TANC1: variants seen among roughly 807,000 people sequenced by gnomAD.
TANC1 encodes the protein tetratricopeptide repeat, ankyrin repeat and coiled-coil containing 1, also known as protein TANC1.
Under a neutral mutation model 149.7 loss-of-function variants are expected in TANC1, and 77 were observed. The ratio of observed to expected loss-of-function variants is 0.51; its 90% CI spans 0.43 to 0.62. The LOEUF is 0.62. Ranked by LOEUF, TANC1 falls within the 20% of genes least tolerant of loss-of-function variation. The probability of loss-of-function intolerance (pLI) is 0.00; values close to 1 mark genes in which losing one functional copy is unlikely to be tolerated. For synonymous variants in TANC1, 854 were observed against 925.0 expected, an observed-to-expected ratio of 0.92 and a Z score of 1.39; for missense variants, 1,985 against 2,321.8, an observed-to-expected ratio of 0.85 and a Z score of 2.98.
intron 1 of TANC1, among the ~76,000 whole-genome samples, chr2:158,988,553 C>T (rs1392126438): frequency 2.0e-5 from 3 of 152,090 alleles, no homozygotes; most frequent in Non-Finnish European, 4.4e-5. Context: ...TTACTACTTC[C>T]TGTTGCAATG....
chr2:159,135,638 C>T (rs1197513747), intron 4 of TANC1, among the ~76,000 whole-genome samples: 1 of 152,248 alleles, frequency 6.6e-6, no homozygotes, highest in Non-Finnish European at 1.5e-5. Context: ...TGCTGTGCCC[C>T]GCACAGTTAC....
At chr2:159,047,238 C>T (rs1293072378) in intron 2 of TANC1, among the ~76,000 whole-genome samples, 1 of 151,554 alleles carries the variant, frequency 6.6e-6, no homozygotes, top group Non-Finnish European at 1.5e-5. Context: ...AAACCACTCA[C>T]CCCACGCTTG....
intron 7 of TANC1, among the ~76,000 whole-genome samples, chr2:159,157,067 G>A (rs1342312649): frequency 2.6e-5 from 4 of 152,210 alleles, no homozygotes; most frequent in South Asian, 2.1e-4. Flanking sequence ...GCCAGCATAC[G>A]GGGCTCCCAG....
intron 3 of TANC1, among the ~76,000 whole-genome samples, chr2:159,067,827 A>C (rs1016432596): frequency 1.3e-5 from 2 of 152,220 alleles, no homozygotes; most frequent in Non-Finnish European, 2.9e-5. Context: ...ACTTAGAAGA[A>C]ATAGCAATAT....
intron 9 of TANC1, among the ~76,000 whole-genome samples, chr2:159,170,172 G>A (rs965774153): frequency 2.6e-5 from 4 of 152,158 alleles, no homozygotes; most frequent in South Asian, 2.1e-4. Context: ...GAAGAAGCAC[G>A]TCTTAAATGC....
chr2:159,164,120 G>GA (rs1196052997), intron 8 of TANC1, among the ~76,000 whole-genome samples: 1 of 151,902 alleles, frequency 6.6e-6, no homozygotes, highest in Non-Finnish European at 1.5e-5. Flanking sequence ...CTGGAACAAA[G>GA]AAGAAACCAC....
At chr2:159,173,570 A>T (rs1176969684) in intron 11 of TANC1, among the ~76,000 whole-genome samples, 1 of 152,228 alleles carries the variant, frequency 6.6e-6, no homozygotes, top group Non-Finnish European at 1.5e-5. Context: ...GTGCAACTGC[A>T]CTCCAACCTG....
chr2:159,108,129 G>T (rs972869402), intron 4 of TANC1, among the ~76,000 whole-genome samples: 2 of 152,218 alleles, frequency 1.3e-5, no homozygotes, highest in Admixed American at 6.5e-5. Flanking sequence ...AATTTTAAAT[G>T]TAACAGTCCT....
intron 2 of TANC1, among the ~76,000 whole-genome samples, chr2:159,045,142 A>T (rs1405915571): frequency 6.6e-6 from 1 of 152,206 alleles, no homozygotes; most frequent in African/African-American, 2.4e-5. Flanking sequence ...ACAAGAGGTG[A>T]TAGTGTATAT....
chr2:159,087,341 G>A (rs1213963076), intron 3 of TANC1, among the ~76,000 whole-genome samples: 1 of 152,110 alleles, frequency 6.6e-6, no homozygotes. Flanking sequence ...CATTTTCTGA[G>A]CTTTTGAGTA....
At chr2:159,086,554 A>G (rs1014449867) in intron 3 of TANC1, among the ~76,000 whole-genome samples, 11 of 152,204 alleles carry the variant, frequency 7.2e-5, no homozygotes, top group African/African-American at 2.4e-4. Context: ...AGGACTCATG[A>G]CAGCAGGAGC....
At chr2:158,998,640 G>T (rs1050112438) in intron 1 of TANC1, among the ~76,000 whole-genome samples, 1 of 152,204 alleles carries the variant, frequency 6.6e-6, no homozygotes, top group Admixed American at 6.5e-5. Context: ...GACTGACGTG[G>T]ATCTGTACTT....
chr2:159,161,475 G>T (rs1457425015), intron 7 of TANC1, among the ~76,000 whole-genome samples: 1 of 152,188 alleles, frequency 6.6e-6, no homozygotes, highest in Non-Finnish European at 1.5e-5. Context: ...TCTGTGTTAT[G>T]GGATGGCCCC....
chr2:158,976,492 G>A (rs1346829627), intron 1 of TANC1, among the ~76,000 whole-genome samples: 1 of 152,230 alleles, frequency 6.6e-6, no homozygotes, highest in East Asian at 1.9e-4. Context: ...CAAAGAAAGT[G>A]TAATGATAAT....
At chr2:158,974,994 T>C (rs997463687) in intron 1 of TANC1, among the ~76,000 whole-genome samples, 18 of 141,196 alleles carry the variant, frequency 1.3e-4, no homozygotes, top group Non-Finnish European at 3.1e-5. Flanking sequence ...CAAGTGATCC[T>C]CCTGCCTTGG....
At chr2:159,192,950 A>G (rs2057562121) in intron 16 of TANC1, among the ~76,000 whole-genome samples, 1 of 152,158 alleles carries the variant, frequency 6.6e-6, no homozygotes, top group Non-Finnish European at 1.5e-5. Context: ...TTGCCTGGCT[A>G]TTTGTTTAGT....
intron 2 of TANC1, among the ~76,000 whole-genome samples, chr2:159,016,576 TTTTTG>T (rs1342328591): frequency 6.6e-5 from 10 of 151,412 alleles, no homozygotes; most frequent in African/African-American, 2.4e-4. Flanking sequence ...TGGTCAAAAT[TTTTTG>T]TTTTTTTTTT....
intron 4 of TANC1, among the ~76,000 whole-genome samples, chr2:159,128,620 C>G (rs146306111): frequency 2.0e-5 from 3 of 152,138 alleles, no homozygotes; most frequent in Admixed American, 6.5e-5. Context: ...TCCCCCGAGC[C>G]GTGCCTCAAC....
chr2:159,128,241 G>A (rs1174042984), intron 4 of TANC1, among the ~76,000 whole-genome samples: 2 of 152,146 alleles, frequency 1.3e-5, no homozygotes, highest in Non-Finnish European at 2.9e-5. Flanking sequence ...AAGGCCCCAG[G>A]CCCTTGTAAA....
Sources: allele counts gnomAD v4.1 joint callset (sites outside exome capture counted in the v4.1 genomes callset), GRCh38; gene constraint gnomAD v4.1.1; transcripts MANE v1.5; gene names NCBI Gene and HGNC (gene_info 2026-07-23, HGNC 2026-07-21).